The following DCDC2C variants were observed in gnomAD, a reference collection of about 807,000 sequenced individuals.
The protein encoded by DCDC2C is doublecortin domain-containing protein 2C.
A neutral mutation model predicts 45.0 loss-of-function variants in DCDC2C; 44 were observed. That is an observed-to-expected ratio of 0.98 (90% CI 0.77 to 1.26). DCDC2C has a LOEUF of 1.26. Among genes scored for constraint, DCDC2C ranks in the 50% most tolerant of loss-of-function variants. DCDC2C has a pLI of 0.00. For synonymous variants in DCDC2C, 187 were observed against 178.8 expected (o/e 1.05, Z -0.37); for missense variants, 447 against 468.9 (o/e 0.95, Z 0.43).
At chr2:3,799,208 T>G (rs1291379937) in intron 10 of DCDC2C, among the ~76,000 whole-genome samples, 1 of 152,126 alleles carries the variant, frequency 6.6e-6, no homozygotes, top group African/African-American at 2.4e-5. Context: ...TCGAGCCTTG[T>G]TTTTCAGCTC....
chr2:3,815,569 A>G (rs895007305), intron 10 of DCDC2C, among the ~76,000 whole-genome samples: 2 of 152,224 alleles, frequency 1.3e-5, no homozygotes, highest in African/African-American at 2.4e-5. Flanking sequence ...ATCCATGTGA[A>G]GAGACCACCA....
intron 3 of DCDC2C, among the ~76,000 whole-genome samples, chr2:3,730,838 G>C (rs1461524315): frequency 2.0e-5 from 3 of 152,222 alleles, no homozygotes; most frequent in Admixed American, 6.5e-5. Flanking sequence ...ATAGCCTCCA[G>C]TGGTATACTG....
At position 3,745,768 on chromosome 2, in the gene DCDC2C, T is replaced by G. The variant is rs1299497037; in HGVS notation, c.545+3720T>G. Among the ~76,000 whole-genome samples the G allele has an allele frequency of 2.0e-5, 3 of 152,280 alleles. No individual in the cohort carries two copies. The East Asian group carries it at 5.8e-4, about 29-fold the overall frequency. On this transcript the variant is annotated intron_variant, in intron 4 of 10. Coordinates refer to ENST00000399143, the MANE Select transcript of DCDC2C (RefSeq NM_001287444.2). ...ACTCTGTTGTCTAGGCTCAGTGCAG[T>G]GGCACAATCACAGCTCACTGAGCCT... is the stretch of plus-strand genomic sequence containing the variant.
chr2:3,713,446 T>C (rs537134868), intron 2 of DCDC2C, among the ~76,000 whole-genome samples: 1 of 152,272 alleles, frequency 6.6e-6, no homozygotes, highest in East Asian at 1.9e-4. Context: ...CCCCCTCTGC[T>C]GCTCCACCTC....
Position 3,767,793 on chromosome 2 carries a change from A to C in DCDC2C, c.766A>C (p.Ile256Leu). The C allele has an allele frequency of 6.4e-7, 1 of 1,550,516 alleles. No individual in the cohort carries two copies. ...KGKEPCKYDG[I>L]PPKTQDSVYY... Reference sequence around the variant, plus strand: ...AAAAGAACCTTGTAAATATGATGGCATACCCCCTAAAACACAGGATTCTGT... The same window carrying C: ...AAAAGAACCTTGTAAATATGATGGCCTACCCCCTAAAACACAGGATTCTGT... The change falls in exon 7 of 11, where the codon ATA (isoleucine) becomes CTA (leucine). Residue 256 changes from isoleucine (I) to leucine (L), a missense_variant. Coordinates refer to ENST00000399143, the MANE Select transcript of DCDC2C (RefSeq NM_001287444.2).
rs563527143 is a variant in DCDC2C, at chr2:3,782,076, C to T, written c.1024-2983C>T. Among the ~76,000 whole-genome samples the T allele has an allele frequency of 5.3e-5, 8 of 152,002 alleles. No individual in the cohort carries two copies. The East Asian group carries it at 1.3e-3, about 26-fold the overall frequency. ...CTATGGTCTGGTTCCAACACCTTTT[C>T]GTCCCCTCACACCGAAACTCTGTGC... On this transcript the variant is annotated intron_variant, in intron 9 of 10. Coordinates refer to ENST00000399143, the MANE Select transcript of DCDC2C (RefSeq NM_001287444.2).
chr2:3,806,826 C>A (rs1238952144), intron 10 of DCDC2C, among the ~76,000 whole-genome samples: 1 of 152,114 alleles, frequency 6.6e-6, no homozygotes, highest in Non-Finnish European at 1.5e-5. Context: ...GGATTATAGA[C>A]CTGAGCCACT....
intron 4 of DCDC2C, chr2:3,752,522 A>T (rs1304058460): frequency 3.5e-6 from 2 of 577,286 alleles, no homozygotes. Flanking sequence ...GCCTATGAGC[A>T]CTTGTATATA....
At chr2:3,801,873 C>A (rs1165247841) in intron 10 of DCDC2C, among the ~76,000 whole-genome samples, 1 of 152,252 alleles carries the variant, frequency 6.6e-6, no homozygotes, top group Non-Finnish European at 1.5e-5. Flanking sequence ...CAGCCCTGGG[C>A]TGACGGGACA....
intron 10 of DCDC2C, among the ~76,000 whole-genome samples, chr2:3,842,878 A>G (rs977609411): frequency 6.6e-6 from 1 of 152,182 alleles, no homozygotes; most frequent in Non-Finnish European, 1.5e-5. Context: ...ATCTCAGCCC[A>G]GAAGGGACAC....
intron 6 of DCDC2C, among the ~76,000 whole-genome samples, chr2:3,762,355 G>C (rs1192645822): frequency 6.6e-6 from 1 of 152,138 alleles, no homozygotes; most frequent in African/African-American, 2.4e-5. Flanking sequence ...GTGTGCAGAG[G>C]GGGTACTGGG....
chr2:3,841,454 C>G (rs1021312549), intron 10 of DCDC2C, among the ~76,000 whole-genome samples: 2 of 95,186 alleles, frequency 2.1e-5, no homozygotes, highest in South Asian at 7.8e-4. Context: ...ATTTTGATAT[C>G]CTAAATCTTT....
intron 10 of DCDC2C, among the ~76,000 whole-genome samples, chr2:3,826,432 T>C (rs1285767364): frequency 1.3e-5 from 2 of 152,228 alleles, no homozygotes; most frequent in African/African-American, 4.8e-5. Flanking sequence ...ACAGTATTAA[T>C]TGATATAATG....
At chr2:3,826,954 T>A (rs2148229991) in intron 10 of DCDC2C, among the ~76,000 whole-genome samples, 1 of 139,212 alleles carries the variant, frequency 7.2e-6, no homozygotes, top group South Asian at 2.6e-4. Flanking sequence ...CCTCCCTCCC[T>A]CTCTTCTTCC....
chr2:3,767,971 T>A (rs1264216377), intron 7 of DCDC2C, 91 bp downstream of exon 7: 1 of 1,275,988 alleles, frequency 7.8e-7, no homozygotes. Context: ...AATCTTATAC[T>A]CCAGAAATAT....
At chr2:3,742,769 G>T (rs1669253062) in intron 4 of DCDC2C, among the ~76,000 whole-genome samples, 1 of 152,214 alleles carries the variant, frequency 6.6e-6, no homozygotes, top group African/African-American at 2.4e-5. Flanking sequence ...TGTGTTGAGG[G>T]AGCACGACAC....
chr2:3,726,897 T>A (rs1572563614), intron 2 of DCDC2C, 106 bp from the exon 3 acceptor site: 9 of 1,001,476 alleles, frequency 9.0e-6, no homozygotes, highest in African/African-American at 1.6e-5. Context: ...GACAAAGGGG[T>A]TCCCCCCCTT....
chr2:3,757,768 C>T (rs1253591745), intron 6 of DCDC2C, among the ~76,000 whole-genome samples: 1 of 152,176 alleles, frequency 6.6e-6, no homozygotes, highest in Admixed American at 6.5e-5. Flanking sequence ...AATTAAATCC[C>T]AGTAATTAAA....
chr2:3,836,781 G>A (rs1672086453), intron 10 of DCDC2C, among the ~76,000 whole-genome samples: 2 of 149,492 alleles, frequency 1.3e-5, no homozygotes, highest in East Asian at 2.0e-4. Flanking sequence ...AGAATGACGT[G>A]AACCCGGGAG....
Sources: allele counts gnomAD v4.1 joint callset (sites outside exome capture counted in the v4.1 genomes callset), GRCh38; gene constraint gnomAD v4.1.1; transcripts MANE v1.5; gene names NCBI Gene and HGNC (gene_info 2026-07-23, HGNC 2026-07-21).